The following UVRAG variants were observed in gnomAD, a reference collection of about 807,000 sequenced individuals.
The protein encoded by UVRAG is UV radiation resistance associated.
UVRAG carries 19 observed loss-of-function variants against 78.0 expected under a neutral mutation model. That is an observed-to-expected ratio of 0.24 (90% CI 0.17 to 0.36). UVRAG has a LOEUF of 0.36. UVRAG is among the 10% of genes least tolerant of loss of function. The pLI is 1.00. For synonymous variants in UVRAG, 323 were observed against 324.6 expected (o/e 1.00, Z 0.05); for missense variants, 740 against 853.8 (o/e 0.87, Z 1.66).
At chr11:76,069,650 G>A (rs1018274878) in intron 13 of UVRAG, among the ~76,000 whole-genome samples, 1 of 152,120 alleles carries the variant, frequency 6.6e-6, no homozygotes, top group Non-Finnish European at 1.5e-5. Flanking sequence ...AGTTTGTAAA[G>A]TACATGCATA....
At chr11:76,113,076 G>C (rs139935191) in intron 13 of UVRAG, among the ~76,000 whole-genome samples, 5 of 151,798 alleles carry the variant, frequency 3.3e-5, no homozygotes, top group African/African-American at 9.7e-5. Context: ...AAGCTCAACT[G>C]GTGGAAAAAA....
chr11:75,994,756 G>A (rs934895363), intron 8 of UVRAG, among the ~76,000 whole-genome samples: 30 of 152,248 alleles, frequency 2.0e-4, no homozygotes, highest in African/African-American at 7.0e-4. Flanking sequence ...TCCACTAAAC[G>A]AAACGTCATT....
chr11:75,895,027 A>G (rs1947310904), intron 5 of UVRAG, among the ~76,000 whole-genome samples: 1 of 152,222 alleles, frequency 6.6e-6, no homozygotes, highest in Non-Finnish European at 1.5e-5. Flanking sequence ...TATTTCGTTT[A>G]AAACTTTAAA....
intron 1 of UVRAG, among the ~76,000 whole-genome samples, chr11:75,825,243 C>T (rs1945487475): frequency 6.6e-6 from 1 of 151,820 alleles, no homozygotes; most frequent in African/African-American, 2.4e-5. Context: ...CGAGTAGCCT[C>T]CCGAGTAGCT....
chr11:75,816,112 A>G lies in UVRAG; in HGVS notation c.117+588A>G, dbSNP rs560588783. 2.0e-5 allele frequency among the ~76,000 whole-genome samples: 3 copies of G among 152,180 alleles called. No individual in the cohort carries two copies. The East Asian group carries it at 5.8e-4, about 29-fold the overall frequency. On this transcript the variant is annotated intron_variant, in intron 1 of 14. Coordinates refer to ENST00000356136, the MANE Select transcript of UVRAG (RefSeq NM_003369.4). ...TTCCTTCCTAATTCTCCGAGTCCCA[A>G]GGAACGCATCTTAATAATTAGGAGG...
intron 6 of UVRAG, among the ~76,000 whole-genome samples, chr11:75,921,283 C>T (rs1187753239): frequency 6.6e-6 from 1 of 152,180 alleles, no homozygotes; most frequent in East Asian, 1.9e-4. Flanking sequence ...CTCAGTATTA[C>T]TTCAATTTTT....
At chr11:76,027,638 G>A (rs915181264) in intron 12 of UVRAG, among the ~76,000 whole-genome samples, 5 of 151,984 alleles carry the variant, frequency 3.3e-5, no homozygotes, top group Middle Eastern at 3.2e-3. Context: ...TTAAATAAGC[G>A]CAGTGCTTGG....
chr11:76,088,732 C>T lies in UVRAG; in HGVS notation c.1305+22944C>T, dbSNP rs116647279. 3.4e-3 allele frequency among the ~76,000 whole-genome samples: 512 copies of T among 152,298 alleles called. 3 individuals are homozygous for T. Among genetic ancestry groups the T allele is most frequent in the African/African-American group, 0.011 (472 of 41,538 alleles). On this transcript the variant is annotated intron_variant, in intron 13 of 14. Coordinates refer to ENST00000356136, the MANE Select transcript of UVRAG (RefSeq NM_003369.4). ...CTTTTGTCCATGTGGTAAACTCCCA[C>T]TCATTCTCCAGGATCCAACCAGGCC...
chr11:76,067,405 T>C (rs1338378524), intron 13 of UVRAG, among the ~76,000 whole-genome samples: 1 of 152,210 alleles, frequency 6.6e-6, no homozygotes, highest in Non-Finnish European at 1.5e-5. Context: ...CCCACTCCGC[T>C]GATCACAGTT....
At chr11:76,044,317 T>C (rs1202100741) in intron 12 of UVRAG, among the ~76,000 whole-genome samples, 2 of 152,222 alleles carry the variant, frequency 1.3e-5, no homozygotes, top group Admixed American at 1.3e-4. Flanking sequence ...AGGGTTGTTT[T>C]AAGAATTAAC....
At chr11:76,033,674 A>G (rs977213444) in intron 12 of UVRAG, among the ~76,000 whole-genome samples, 4 of 152,230 alleles carry the variant, frequency 2.6e-5, no homozygotes, top group African/African-American at 4.8e-5. Context: ...TAATAAAAAT[A>G]TGGACATAAT....
At position 76,141,458 on chromosome 11, in the gene UVRAG, A is replaced by G. The variant is rs761947736; in HGVS notation, c.*45A>G. ...GGACTGGGGCAGAAGCTCTGCCTAA[A>G]ATGAAGTGAAAGCTGCACTTAACCC... On this transcript the variant is annotated 3_prime_UTR_variant, in exon 15 of 15. Coordinates refer to ENST00000356136, the MANE Select transcript of UVRAG (RefSeq NM_003369.4). The G allele has an allele frequency of 3.2e-6, 5 of 1,545,702 alleles. No individual in the cohort carries two copies. The highest frequency in any genetic ancestry group is 2.7e-5 in the African/African-American group (2 of 73,632).
At chr11:75,941,603 G>A (rs1214408245) in intron 6 of UVRAG, among the ~76,000 whole-genome samples, 1 of 152,100 alleles carries the variant, frequency 6.6e-6, no homozygotes, top group Non-Finnish European at 1.5e-5. Context: ...GAATTTTGGA[G>A]CATTTTTGAA....
chr11:76,017,228 TTTC>T (rs1284889121), intron 12 of UVRAG, among the ~76,000 whole-genome samples: 1 of 152,174 alleles, frequency 6.6e-6, no homozygotes, highest in African/African-American at 2.4e-5. Flanking sequence ...TTTCATTTAC[TTTC>T]TTCTTACTTT....
intron 5 of UVRAG, among the ~76,000 whole-genome samples, chr11:75,899,907 CT>C (rs568397563): frequency 1.2e-4 from 19 of 152,140 alleles, no homozygotes; most frequent in Non-Finnish European, 2.4e-4. Context: ...TTTTTTCCCC[CT>C]TTTCTCTTGG....
At chr11:75,869,971 A>T (rs537787290) in intron 3 of UVRAG, among the ~76,000 whole-genome samples, 4 of 152,304 alleles carry the variant, frequency 2.6e-5, no homozygotes, top group Non-Finnish European at 5.9e-5. Flanking sequence ...AAATATCCTG[A>T]TATTCTACTT....
At chr11:76,076,751 T>G (rs1456047901) in intron 13 of UVRAG, among the ~76,000 whole-genome samples, 1 of 152,196 alleles carries the variant, frequency 6.6e-6, no homozygotes, top group Non-Finnish European at 1.5e-5. Context: ...TTTGTATATC[T>G]TCTTTGGAGA....
At chr11:76,115,653 T>C (rs996332071) in intron 13 of UVRAG, among the ~76,000 whole-genome samples, 1 of 152,182 alleles carries the variant, frequency 6.6e-6, no homozygotes, top group Non-Finnish European at 1.5e-5. Flanking sequence ...TCACTCTTAG[T>C]CTTCTCTAAG....
chr11:76,067,293 A>G (rs890613912), intron 13 of UVRAG, among the ~76,000 whole-genome samples: 2 of 152,136 alleles, frequency 1.3e-5, no homozygotes, highest in Admixed American at 1.3e-4. Context: ...TCACCTTTCC[A>G]TGTGCCATTC....
Sources: gnomAD v4.1 joint callset for allele counts (sites outside exome capture counted in the v4.1 genomes callset) on GRCh38, gnomAD v4.1.1 for gene constraint, MANE v1.5 for transcripts, NCBI Gene and HGNC (gene_info 2026-07-23, HGNC 2026-07-21) for gene names.